The following NALCN variants were observed in gnomAD, a reference collection of about 807,000 sequenced individuals.
NALCN encodes sodium leak channel, non-selective, also known as sodium leak channel NALCN.
NALCN carries 111 observed loss-of-function variants against 225.3 expected under a neutral mutation model. That is an observed-to-expected ratio of 0.49 (90% CI 0.42 to 0.58). The LOEUF (loss-of-function observed/expected upper bound fraction) is 0.58. Ranked by LOEUF, NALCN falls within the 20% of genes least tolerant of loss-of-function variation. The probability of loss-of-function intolerance (pLI) is 0.00; values close to 1 mark genes in which losing one functional copy is unlikely to be tolerated. For missense variants in NALCN, 1,378 were observed against 2,202.4 expected, an observed-to-expected ratio of 0.63 and a Z score of 7.49; for synonymous variants, 764 against 769.0, an observed-to-expected ratio of 0.99 and a Z score of 0.11.
chr13:101,361,558 G>A (rs916797993), intron 6 of NALCN, among the ~76,000 whole-genome samples: 1 of 152,180 alleles, frequency 6.6e-6, no homozygotes, highest in African/African-American at 2.4e-5. Context: ...ACAACTGAAA[G>A]CATAGAAAGC....
rs575239828 is a variant in NALCN at position 101,358,961 on chromosome 13, C to T, written c.645-13541G>A. Among the ~76,000 whole-genome samples, 12 of 152,142 alleles carry T rather than the reference C, an allele frequency of 7.9e-5. No individual in the cohort carries two copies. In the South Asian group the frequency reaches 8.3e-4, roughly 11 times the overall value. ...AACACAGGATCAGAAAACCAAACAGCGCATGTTCTCACTCATAAGTGGGAG... is the reference window on the plus strand; with the variant it reads ...AACACAGGATCAGAAAACCAAACAGTGCATGTTCTCACTCATAAGTGGGAG... On this transcript the variant is annotated intron_variant, in intron 6 of 43. Transcript: ENST00000251127.
At position 101,288,993 on chromosome 13, in the gene NALCN, C is replaced by T. The variant is rs111254535; in HGVS notation, c.1047+2997G>A. ...AGTAAAGGTCTGGGTTAGTGAGATA[C>T]GGTACTCAGGACTTCGTCTTTCAGC... On this transcript the variant is annotated intron_variant, in intron 9 of 43. Coordinates refer to ENST00000251127, the MANE Select transcript of NALCN (RefSeq NM_052867.4). Among the ~76,000 whole-genome samples, 630 of 152,302 alleles carry T rather than the reference C, an allele frequency of 4.1e-3. 4 individuals carry two copies. The highest frequency in any genetic ancestry group is 0.014 in the African/African-American group (589 of 41,562).
chr13:101,178,304 A>G (rs1350337700), intron 14 of NALCN, among the ~76,000 whole-genome samples: 2 of 152,048 alleles, frequency 1.3e-5, no homozygotes, highest in Non-Finnish European at 2.9e-5. Context: ...TCTGTGTCCT[A>G]ATTTAATCAT....
At chr13:101,116,499 A>G (rs1477163873) in intron 18 of NALCN, 2 of 517,238 alleles carry the variant, frequency 3.9e-6, no homozygotes, top group Admixed American at 3.9e-5. Flanking sequence ...GTTTATAGAC[A>G]CAGTAGCAGG....
At chr13:101,124,962 A>C (rs1209748359) in intron 17 of NALCN, among the ~76,000 whole-genome samples, 1 of 152,150 alleles carries the variant, frequency 6.6e-6, no homozygotes, top group Non-Finnish European at 1.5e-5. Context: ...AAAGACTTTA[A>C]CGTTGACCCT....
At chr13:101,299,736 A>G (rs1474899905) in intron 7 of NALCN, among the ~76,000 whole-genome samples, 1 of 152,152 alleles carries the variant, frequency 6.6e-6, no homozygotes, top group Non-Finnish European at 1.5e-5. Flanking sequence ...CTATATTGCA[A>G]TTATTAGTTT....
At chr13:101,358,645 C>T (rs1005147609) in intron 6 of NALCN, among the ~76,000 whole-genome samples, 19 of 152,306 alleles carry the variant, frequency 1.2e-4, no homozygotes, top group African/African-American at 4.6e-4. Flanking sequence ...GATGATTCAT[C>T]AAGGATCTAG....
chr13:101,359,581 A>T (rs902824899), intron 6 of NALCN, among the ~76,000 whole-genome samples: 1 of 152,194 alleles, frequency 6.6e-6, no homozygotes, highest in East Asian at 1.9e-4. Flanking sequence ...CGCACTACAG[A>T]GTTAATTATT....
chr13:101,352,049 AAT>A (rs1240830849), intron 6 of NALCN, among the ~76,000 whole-genome samples: 1 of 152,156 alleles, frequency 6.6e-6, no homozygotes, highest in Non-Finnish European at 1.5e-5. Flanking sequence ...GGGGGCACTT[AAT>A]TGTATTTGAA....
intron 22 of NALCN, among the ~76,000 whole-genome samples, chr13:101,105,304 G>T (rs1189833872): frequency 1.3e-5 from 2 of 152,072 alleles, no homozygotes; most frequent in Non-Finnish European, 2.9e-5. Flanking sequence ...AATAGTTCAA[G>T]AATGTTAGTT....
intron 1 of NALCN, among the ~76,000 whole-genome samples, chr13:101,414,160 T>G (rs957313194): frequency 9.9e-5 from 15 of 152,030 alleles, no homozygotes; most frequent in Admixed American, 4.6e-4. Flanking sequence ...GCTGGGATTA[T>G]AGGCATGAGC....
chr13:101,392,015 CA>C (rs1566645638), intron 3 of NALCN, among the ~76,000 whole-genome samples: 1 of 148,452 alleles, frequency 6.7e-6, no homozygotes, highest in African/African-American at 2.5e-5. Flanking sequence ...AAAAAAAAAA[CA>C]AAAAATAAAA....
At chr13:101,360,885 A>G (rs2046233062) in intron 6 of NALCN, among the ~76,000 whole-genome samples, 1 of 152,182 alleles carries the variant, frequency 6.6e-6, no homozygotes, top group African/African-American at 2.4e-5. Context: ...CAGGGCAGTA[A>G]GCAGCTAGCT....
intron 7 of NALCN, among the ~76,000 whole-genome samples, chr13:101,329,088 G>C (rs956200309): frequency 6.6e-6 from 1 of 152,128 alleles, no homozygotes; most frequent in Admixed American, 6.5e-5. Flanking sequence ...AGGATCCTAA[G>C]TATCTTTACA....
At chr13:101,390,664 G>A (rs1220052535) in intron 3 of NALCN, among the ~76,000 whole-genome samples, 2 of 151,282 alleles carry the variant, frequency 1.3e-5, no homozygotes, top group East Asian at 1.9e-4. Flanking sequence ...AAGCCACTTC[G>A]AGGGAAAAAA....
chr13:101,114,412 C>T (rs2035598234), intron 18 of NALCN, among the ~76,000 whole-genome samples: 1 of 150,598 alleles, frequency 6.6e-6, no homozygotes, highest in African/African-American at 2.5e-5. Flanking sequence ...TAACACTCTA[C>T]ATAGCATATT....
At chr13:101,074,785 A>T in intron 35 of NALCN, 123 bp from the exon 36 acceptor site, 1 of 1,174,868 alleles carries the variant, frequency 8.5e-7, no homozygotes, top group Admixed American at 3.1e-5. Flanking sequence ...GGTAGCAACT[A>T]ATCTTTAAGC....
intron 7 of NALCN, among the ~76,000 whole-genome samples, chr13:101,318,042 T>C (rs1390676116): frequency 1.3e-5 from 2 of 152,210 alleles, no homozygotes; most frequent in African/African-American, 4.8e-5. Context: ...GGGTTTTAAA[T>C]TCCTTAATCT....
intron 9 of NALCN, among the ~76,000 whole-genome samples, chr13:101,289,907 C>G (rs989064440): frequency 6.6e-6 from 1 of 152,164 alleles, no homozygotes; most frequent in Non-Finnish European, 1.5e-5. Context: ...AGGGCCCACT[C>G]GCAAGTGGCT....
Sources: gnomAD v4.1 joint callset for allele counts (sites outside exome capture counted in the v4.1 genomes callset) on GRCh38, gnomAD v4.1.1 for gene constraint, MANE v1.5 for transcripts, NCBI Gene and HGNC (gene_info 2026-07-23, HGNC 2026-07-21) for gene names.